The following STAM2 variants were observed in gnomAD, a reference collection of about 807,000 sequenced individuals.
The protein encoded by STAM2 is signal transducing adapter molecule 2.
STAM2 carries 51 observed loss-of-function variants against 65.6 expected under a neutral mutation model. The ratio of observed to expected loss-of-function variants is 0.78; its 90% CI spans 0.62 to 0.98. STAM2 has a LOEUF of 0.98. Ranked by LOEUF, STAM2 falls within the 50% of genes least tolerant of loss-of-function variation. The pLI is 0.00. For missense variants in STAM2, 584 were observed against 617.8 expected, an observed-to-expected ratio of 0.95 and a Z score of 0.58; for synonymous variants, 198 against 208.4, an observed-to-expected ratio of 0.95 and a Z score of 0.43.
At chr2:152,148,415 A>T in intron 2 of STAM2, 115 bp from the exon 3 acceptor site, 1 of 843,392 alleles carries the variant, frequency 1.2e-6, no homozygotes, top group Non-Finnish European at 1.8e-6. Flanking sequence ...CATGCCTGTA[A>T]TTCCAACACT....
chr2:152,158,958 G>A (rs575310328), intron 1 of STAM2, among the ~76,000 whole-genome samples: 4 of 151,196 alleles, frequency 2.6e-5, no homozygotes, highest in African/African-American at 9.7e-5. Context: ...TAAATTTTGG[G>A]GGATACATTC....
chr2:152,155,447 C>T (rs925827839), intron 1 of STAM2, among the ~76,000 whole-genome samples: 1 of 152,182 alleles, frequency 6.6e-6, no homozygotes. Flanking sequence ...ATAGCAACAC[C>T]ACATGGCAAC....
rs941275894 is a variant in STAM2, at chr2:152,147,446, A to G, written c.301-138T>C. Reference sequence around the variant, plus strand: ...ACAAAAGTCCTGAAATTTCTAGCCTAGTTGAGTAATTGATAGATGCCTATT... The same window carrying G: ...ACAAAAGTCCTGAAATTTCTAGCCTGGTTGAGTAATTGATAGATGCCTATT... On this transcript the variant is annotated intron_variant, in intron 4 of 13. Coordinates refer to ENST00000263904, the MANE Select transcript of STAM2 (RefSeq NM_005843.6). 6.2e-6 allele frequency: 5 copies of G among 806,278 alleles called. No individual in the cohort carries two copies. In the African/African-American group the frequency reaches 8.9e-5, roughly 14 times the overall value. 49.9% of individuals were successfully genotyped at this position (806,278 alleles called of 1,614,324 possible).
chr2:152,160,619 C>A (rs945369921), intron 1 of STAM2, among the ~76,000 whole-genome samples: 13 of 151,016 alleles, frequency 8.6e-5, no homozygotes, highest in African/African-American at 2.9e-4. Context: ...GTCAGCCCCA[C>A]CCAGGCCAGC....
chr2:152,139,399 G>A (rs532580267), intron 7 of STAM2, among the ~76,000 whole-genome samples: 2 of 152,122 alleles, frequency 1.3e-5, no homozygotes, highest in African/African-American at 4.8e-5. Context: ...GACACCATTT[G>A]TGCCCTCAAG....
intron 7 of STAM2, among the ~76,000 whole-genome samples, chr2:152,137,851 C>T (rs1409567023): frequency 6.6e-6 from 1 of 152,010 alleles, no homozygotes; most frequent in Admixed American, 6.6e-5. Context: ...TTCATCACAG[C>T]AAAATTTATT....
intron 1 of STAM2, among the ~76,000 whole-genome samples, chr2:152,165,448 A>G (rs1053152259): frequency 3.3e-5 from 5 of 152,024 alleles, no homozygotes; most frequent in Non-Finnish European, 7.4e-5. Context: ...AAAAGTCTCC[A>G]AGGCAGCCAC....
chr2:152,132,506 A>C (rs1291752411), intron 10 of STAM2, among the ~76,000 whole-genome samples: 1 of 152,204 alleles, frequency 6.6e-6, no homozygotes, highest in African/African-American at 2.4e-5. Context: ...TATATAAACT[A>C]TGTAACCTTT....
intron 6 of STAM2, 101 bp from the exon 7 acceptor site, chr2:152,144,114 A>G: frequency 1.3e-6 from 1 of 781,654 alleles, no homozygotes; most frequent in South Asian, 1.6e-5. Flanking sequence ...CAAGCATTTT[A>G]TTTGTCTAAT....
chr2:152,122,501 A>G (rs989337368), intron 13 of STAM2, among the ~76,000 whole-genome samples: 2 of 152,218 alleles, frequency 1.3e-5, no homozygotes, highest in Admixed American at 6.5e-5. Flanking sequence ...AATTAGTTTC[A>G]AAACTACACC....
intron 3 of STAM2, 44 bp downstream of exon 3, chr2:152,148,181 C>T (rs749049269): frequency 5.0e-6 from 8 of 1,592,928 alleles, no homozygotes; most frequent in Non-Finnish European, 6.0e-6. Flanking sequence ...TAATTAAAAA[C>T]ACATTTAAAA....
chr2:152,123,779 T>C lies in STAM2; in HGVS notation c.1336A>G (p.Thr446Ala). 1 of 1,613,608 alleles carries C rather than the reference T, an allele frequency of 6.2e-7. No individual in the cohort carries two copies. Among genetic ancestry groups the C allele is most frequent in the Non-Finnish European group, 8.5e-7 (1 of 1,179,908 alleles). ...CCCAAAACTTACCTTAAATATGAAG[T>C]TTGAGCAGGCTGTGCTGTCACTGAG... The part of the protein sequence containing the change: ...NSSVTAQPAQ[T>A]SYLSTGQDTV... The change falls in exon 13 of 14, where the codon ACT (threonine) becomes GCT (alanine). Residue 446 changes from threonine to alanine, a missense_variant. Coordinates refer to ENST00000263904, the MANE Select transcript of STAM2 (RefSeq NM_005843.6).
intron 1 of STAM2, among the ~76,000 whole-genome samples, chr2:152,166,717 T>G (rs754125239): frequency 2.6e-5 from 4 of 152,182 alleles, no homozygotes; most frequent in Non-Finnish European, 5.9e-5. Context: ...CTCAAGGACT[T>G]AGTACTGCTG....
intron 1 of STAM2, among the ~76,000 whole-genome samples, chr2:152,159,506 T>C (rs1689619149): frequency 6.6e-6 from 1 of 152,176 alleles, no homozygotes; most frequent in Non-Finnish European, 1.5e-5. Context: ...CCACTTTTTT[T>C]CTAGTCTATG....
At chr2:152,159,172 G>A (rs987531108) in intron 1 of STAM2, among the ~76,000 whole-genome samples, 3 of 144,778 alleles carry the variant, frequency 2.1e-5, no homozygotes, top group Non-Finnish European at 4.5e-5. Flanking sequence ...GCACCATGGT[G>A]GTGCACACCT....
chr2:152,137,821 C>G (rs1689182486), intron 7 of STAM2, among the ~76,000 whole-genome samples: 1 of 151,322 alleles, frequency 6.6e-6, no homozygotes, highest in Non-Finnish European at 1.5e-5. Flanking sequence ...AAAATTTTAT[C>G]TGTAGTATAA....
At chr2:152,148,557 C>CTGAGTAGCTAGGAG (rs1458087943) in intron 2 of STAM2, among the ~76,000 whole-genome samples, 3 of 152,118 alleles carry the variant, frequency 2.0e-5, no homozygotes, top group Non-Finnish European at 4.4e-5. Context: ...GTACTCCTAG[C>CTGAGTAGCTAGGAG]TACTCAGGAG....
chr2:152,134,135 C>A (rs1689112131), intron 8 of STAM2, among the ~76,000 whole-genome samples: 1 of 151,914 alleles, frequency 6.6e-6, no homozygotes. Context: ...CATATTTTAA[C>A]AAAGTAAATT....
intron 11 of STAM2, among the ~76,000 whole-genome samples, chr2:152,129,822 T>C (rs1227772510): frequency 6.6e-6 from 1 of 152,248 alleles, no homozygotes; most frequent in Admixed American, 6.5e-5. Context: ...TAACGAGATA[T>C]TTAATGCTTT....
Sources: gnomAD v4.1 joint callset for allele counts (sites outside exome capture counted in the v4.1 genomes callset) on GRCh38, gnomAD v4.1.1 for gene constraint, MANE v1.5 for transcripts, NCBI Gene and HGNC (gene_info 2026-07-23, HGNC 2026-07-21) for gene names.